The following AGBL4 variants were observed in gnomAD, a reference collection of about 807,000 sequenced individuals.
AGBL4 encodes the protein cytosolic carboxypeptidase 6.
Under a neutral mutation model 66.4 loss-of-function variants are expected in AGBL4, and 58 were observed. The observed-to-expected ratio is 0.87, with a 90% CI of 0.71 to 1.09. The LOEUF (loss-of-function observed/expected upper bound fraction) is 1.09, where lower values mean the gene tolerates loss of function less well. Ranked by LOEUF, AGBL4 falls within the 50% of genes least tolerant of loss-of-function variation. The pLI is 0.00. For synonymous variants in AGBL4, 234 were observed against 222.9 expected (o/e 1.05, Z -0.44); for missense variants, 579 against 631.0 (o/e 0.92, Z 0.88).
chr1:49,225,153 A>T (rs1476954304), intron 4 of AGBL4, among the ~76,000 whole-genome samples: 1 of 152,344 alleles, frequency 6.6e-6, no homozygotes, highest in African/African-American at 2.4e-5. Flanking sequence ...TTTATTGGGT[A>T]TATCTACATG....
chr1:49,232,155 G>A (rs1420092158), intron 4 of AGBL4, among the ~76,000 whole-genome samples: 1 of 152,086 alleles, frequency 6.6e-6, no homozygotes, highest in East Asian at 1.9e-4. Context: ...TAATTGCAGT[G>A]ATGGTTGCAC....
At position 48,676,156 on chromosome 1, in the gene AGBL4, GGTAAGGAGAGAT is replaced by G. The variant is rs371276830; in HGVS notation, c.635-12927_635-12916del. On this transcript the variant is annotated intron_variant, in intron 6 of 13. Transcript: ENST00000371839. ...TCCGCCATGGTTTCATCAGAAACTA[GGTAAGGAGAGAT>G]GTATAAATCACAGTGCTCCACAAAG... is the stretch of plus-strand genomic sequence containing the variant. 3.5e-3 allele frequency among the ~76,000 whole-genome samples: 530 copies of G among 152,350 alleles called. 1 individual carries two copies. The highest frequency in any genetic ancestry group is 0.012 in the African/African-American group (507 of 41,584).
At chr1:50,022,047 T>C (rs540988041) in intron 1 of AGBL4, among the ~76,000 whole-genome samples, 28 of 152,322 alleles carry the variant, frequency 1.8e-4, no homozygotes, top group African/African-American at 6.5e-4. Flanking sequence ...CCTCGACCAC[T>C]CTTTGCCCTT....
chr1:49,602,108 G>A (rs1335818409), intron 3 of AGBL4, among the ~76,000 whole-genome samples: 2 of 152,062 alleles, frequency 1.3e-5, no homozygotes, highest in African/African-American at 4.8e-5. Flanking sequence ...GCTCATCACT[G>A]GTCATTAGAG....
intron 1 of AGBL4, among the ~76,000 whole-genome samples, chr1:49,959,229 T>C (rs1656917077): frequency 6.6e-6 from 1 of 151,968 alleles, no homozygotes; most frequent in Non-Finnish European, 1.5e-5. Flanking sequence ...GGCAGATAGT[T>C]TTATCAGGCT....
At chr1:49,071,134 T>A (rs889606939) in intron 4 of AGBL4, among the ~76,000 whole-genome samples, 1 of 151,900 alleles carries the variant, frequency 6.6e-6, no homozygotes, top group Admixed American at 6.5e-5. Flanking sequence ...TATTCTCTCT[T>A]TTCTTCTTTA....
At chr1:49,094,813 C>T (rs1017125955) in intron 4 of AGBL4, among the ~76,000 whole-genome samples, 3 of 152,106 alleles carry the variant, frequency 2.0e-5, no homozygotes, top group African/African-American at 7.2e-5. Flanking sequence ...TCCTATTCAA[C>T]ATAGTGTTGG....
intron 5 of AGBL4, among the ~76,000 whole-genome samples, chr1:49,042,035 A>T (rs1643955159): frequency 6.6e-6 from 1 of 151,924 alleles, no homozygotes; most frequent in Admixed American, 6.6e-5. Flanking sequence ...TTCTTAAAAA[A>T]CTCATTCTAT....
In AGBL4 at chr1:49,939,877, T is replaced by G. The variant is rs1179995321; in HGVS notation, c.34+83886A>C. ...GGATCTAATTAAACTAAAGAGCTTC[T>G]GCACAGCAAAAGAAACTACCATCAG... On this transcript the variant is annotated intron_variant, in intron 1 of 13. Transcript: ENST00000371839. Among the ~76,000 whole-genome samples, 20 of 152,304 alleles carry G rather than the reference T, an allele frequency of 1.3e-4. No homozygotes were observed. In the East Asian group the frequency reaches 3.7e-3, roughly 28 times the overall value.
chr1:48,891,528 A>G (rs188564553), intron 5 of AGBL4, among the ~76,000 whole-genome samples: 1 of 152,228 alleles, frequency 6.6e-6, no homozygotes. Context: ...AGACCACTTC[A>G]GTTTAAAACG....
chr1:49,836,543 TTTA>T (rs776858637), intron 2 of AGBL4, among the ~76,000 whole-genome samples: 61 of 152,116 alleles, frequency 4.0e-4, no homozygotes, highest in Admixed American at 1.4e-3. Flanking sequence ...CTCAGAGGAG[TTTA>T]TTATTACCCA....
intron 4 of AGBL4, among the ~76,000 whole-genome samples, chr1:49,183,096 T>C (rs952585396): frequency 1.3e-5 from 2 of 152,162 alleles, no homozygotes; most frequent in African/African-American, 4.8e-5. Context: ...TCAAATGTAG[T>C]GAGTGATTCT....
intron 5 of AGBL4, among the ~76,000 whole-genome samples, chr1:48,998,972 A>G (rs571972909): frequency 2.1e-3 from 323 of 152,352 alleles, no homozygotes; most frequent in Non-Finnish European, 3.2e-3. Context: ...AAGCAGAACC[A>G]GAACAGATGC....
intron 2 of AGBL4, among the ~76,000 whole-genome samples, chr1:49,722,900 A>G (rs1358141067): frequency 6.6e-6 from 1 of 152,172 alleles, no homozygotes; most frequent in Non-Finnish European, 1.5e-5. Flanking sequence ...TCAGGCCCAG[A>G]GAGGTACTGA....
intron 4 of AGBL4, among the ~76,000 whole-genome samples, chr1:49,048,111 T>C (rs1045043278): frequency 2.6e-5 from 4 of 152,160 alleles, no homozygotes; most frequent in Admixed American, 6.5e-5. Flanking sequence ...AGGTCTGTGA[T>C]AGTCACTTCA....
intron 4 of AGBL4, among the ~76,000 whole-genome samples, chr1:49,109,211 G>A (rs964158698): frequency 2.0e-5 from 3 of 152,196 alleles, no homozygotes; most frequent in Admixed American, 6.5e-5. Context: ...CTGGATTGGG[G>A]AGAAGGTTTC....
chr1:49,495,855 T>G (rs1207055927), intron 3 of AGBL4, among the ~76,000 whole-genome samples: 1 of 152,042 alleles, frequency 6.6e-6, no homozygotes, highest in Admixed American at 6.6e-5. Context: ...AGACTACTTT[T>G]CCTGAACTTT....
intron 5 of AGBL4, among the ~76,000 whole-genome samples, chr1:49,013,971 T>C (rs1012501145): frequency 6.6e-5 from 10 of 152,168 alleles, no homozygotes; most frequent in Admixed American, 2.6e-4. Flanking sequence ...TTGTCCTTAT[T>C]GATGGACCCA....
At chr1:49,988,981 C>G (rs1470646569) in intron 1 of AGBL4, among the ~76,000 whole-genome samples, 2 of 152,168 alleles carry the variant, frequency 1.3e-5, no homozygotes, top group Non-Finnish European at 2.9e-5. Context: ...GCTAATACTT[C>G]ATGCATAACA....
Sources: allele counts gnomAD v4.1 joint callset (sites outside exome capture counted in the v4.1 genomes callset), GRCh38; gene constraint gnomAD v4.1.1; transcripts MANE v1.5; gene names NCBI Gene and HGNC (gene_info 2026-07-23, HGNC 2026-07-21).